FBXO11: variants seen among roughly 807,000 people sequenced by gnomAD.
FBXO11 encodes F-box protein 11.
FBXO11 carries 13 observed loss-of-function variants against 117.0 expected under a neutral mutation model. That is an observed-to-expected ratio of 0.11 (90% CI 0.07 to 0.18). The LOEUF (loss-of-function observed/expected upper bound fraction) is 0.18, where lower values mean the gene tolerates loss of function less well. Ranked by LOEUF, FBXO11 falls within the 10% of genes least tolerant of loss-of-function variation. The pLI, the probability that FBXO11 is intolerant of heterozygous loss-of-function variation, is 1.00. For synonymous variants in FBXO11, 490 were observed against 380.5 expected (o/e 1.29, Z -3.35); for missense variants, 767 against 1,164.4 (o/e 0.66, Z 4.97).
At chr2:47,885,168 A>C (rs1025407420) in intron 1 of FBXO11, among the ~76,000 whole-genome samples, 1 of 152,254 alleles carries the variant, frequency 6.6e-6, no homozygotes, top group African/African-American at 2.4e-5. Flanking sequence ...GATATGGAAA[A>C]GCCATCAAGA....
At chr2:47,901,052 C>T (rs7598557) in intron 1 of FBXO11, among the ~76,000 whole-genome samples, 11,569 of 120,170 alleles carry the variant, frequency 0.096, 648 homozygotes, top group Non-Finnish European at 0.11. Flanking sequence ...TACATATATA[C>T]ACATATATAT....
At chr2:47,841,591 A>C (rs1349985432) in intron 1 of FBXO11, among the ~76,000 whole-genome samples, 2 of 152,206 alleles carry the variant, frequency 1.3e-5, no homozygotes, top group African/African-American at 4.8e-5. Flanking sequence ...GAGAAAAATA[A>C]GGAAAACTTT....
At chr2:47,829,230 C>T (rs1487863287) in intron 11 of FBXO11, among the ~76,000 whole-genome samples, 1 of 151,000 alleles carries the variant, frequency 6.6e-6, no homozygotes, top group African/African-American at 2.4e-5. Flanking sequence ...ACTGCTATGA[C>T]ATTTTATTTA....
Position 47,905,470 on chromosome 2 carries a change from G to T in FBXO11, c.232+19C>A. On this transcript the variant is annotated intron_variant, in intron 1 of 22. Coordinates refer to ENST00000403359, the MANE Select transcript of FBXO11 (RefSeq NM_001190274.2). ...CGGTGCCCGGGAAGGCGGGCGGTTG[G>T]GAGGTAGCGCGGCCTTACCCCGCTC... 8.2e-7 allele frequency: 1 copy of T among 1,222,088 alleles called. No individual in the cohort carries two copies. The highest frequency in any genetic ancestry group is 3.5e-5 in the South Asian group (1 of 28,974). The allele number at this position is 1,222,088 out of a possible 1,614,324, so 75.7% of individuals were successfully genotyped here.
At chr2:47,853,876 C>G (rs1305432951) in intron 1 of FBXO11, among the ~76,000 whole-genome samples, 1 of 152,186 alleles carries the variant, frequency 6.6e-6, no homozygotes, top group Admixed American at 6.5e-5. Flanking sequence ...CTTCTAAAAA[C>G]TCTTATGAGG....
In FBXO11 at chr2:47,838,999, T is replaced by A; in HGVS notation, c.447A>T (p.Ala149=). 6.2e-7 allele frequency: 1 copy of A among 1,612,936 alleles called. No homozygotes were observed. The highest frequency in any genetic ancestry group is 1.1e-5 in the South Asian group (1 of 90,790). The change falls in exon 4 of 23, where the codon GCA becomes GCT. Residue 149 remains alanine, a synonymous_variant. Coordinates refer to ENST00000403359, the MANE Select transcript of FBXO11 (RefSeq NM_001190274.2). ...VSGKSQDLSA[A]PAEQYLQEKL... ...TCTCCTGAAGATACTGTTCAGCAGG[T>A]GCTGCTATAAAGAGATTAACATATA... is the stretch of plus-strand genomic sequence containing the variant.
chr2:47,825,565 CT>C (rs1671687886), intron 11 of FBXO11, among the ~76,000 whole-genome samples: 5 of 129,122 alleles, frequency 3.9e-5, no homozygotes, highest in Non-Finnish European at 6.6e-5. Context: ...ATTTTTTCTT[CT>C]TCTTCTTTTT....
At chr2:47,852,826 A>C (rs1673976116) in intron 1 of FBXO11, among the ~76,000 whole-genome samples, 2 of 152,174 alleles carry the variant, frequency 1.3e-5, no homozygotes, top group Non-Finnish European at 2.9e-5. Flanking sequence ...ACATATTATT[A>C]TTCCTATGTT....
intron 1 of FBXO11, among the ~76,000 whole-genome samples, chr2:47,848,029 CAGG>C (rs1397008926): frequency 6.6e-6 from 1 of 151,530 alleles, no homozygotes; most frequent in African/African-American, 2.4e-5. Flanking sequence ...GAGGCTGAGG[CAGG>C]AGAATGCTGT....
rs529563653 is a variant in FBXO11, at chr2:47,832,668, T to C, written c.1164A>G (p.Ala388=). ...IIRSTCTVGS[A]VCVSGQGACP... ...ATGCTCCTTGACCACTAACACATAC[T>C]GCAGAACCAACTGTAGAAAAATTAT... Residue 388 remains alanine (A), a synonymous_variant, in exon 10 of 23, where the codon GCA becomes GCG. Coordinates refer to ENST00000403359, the MANE Select transcript of FBXO11 (RefSeq NM_001190274.2). 9.4e-5 allele frequency: 152 copies of C among 1,613,630 alleles called. 3 individuals carry two copies. The South Asian group carries it at 1.6e-3, about 17-fold the overall frequency.
At chr2:47,865,765 G>A (rs1258564052) in intron 1 of FBXO11, 1 of 152,184 alleles carries the variant, frequency 6.6e-6, no homozygotes, top group African/African-American at 2.4e-5. Context: ...AACAAAATGT[G>A]TTCAAATACC....
intron 1 of FBXO11, among the ~76,000 whole-genome samples, chr2:47,872,733 C>T (rs1216126036): frequency 6.6e-6 from 1 of 152,146 alleles, no homozygotes; most frequent in Non-Finnish European, 1.5e-5. Flanking sequence ...GATATCACTA[C>T]AGCCCAAATG....
intron 18 of FBXO11, chr2:47,811,200 A>T (rs1212201314): frequency 1.3e-5 from 2 of 152,084 alleles, no homozygotes; most frequent in African/African-American, 4.8e-5. Flanking sequence ...GGGTGATCTT[A>T]CATCTTGCAA....
intron 1 of FBXO11, among the ~76,000 whole-genome samples, chr2:47,857,302 G>T (rs543492957): frequency 6.6e-6 from 1 of 151,834 alleles, no homozygotes; most frequent in South Asian, 2.1e-4. Context: ...TTTTAAATCA[G>T]CAGAGACAGG....
At position 47,905,552 on chromosome 2, in the gene FBXO11, G is replaced by A. The variant is rs1199473289; in HGVS notation, c.169C>T (p.Pro57Ser). ...PPPQQQQQQQ[P>S]PPPPPPPPPL... Reference sequence around the variant, plus strand: ...GGAGGCGGCGGTGGCGGCGGCGGAGGCTGCTGCTGCTGCTGCTGCTGCGGC... The same window carrying A: ...GGAGGCGGCGGTGGCGGCGGCGGAGACTGCTGCTGCTGCTGCTGCTGCGGC... Residue 57 changes from proline (P) to serine (S), a missense_variant, in exon 1 of 23, where the codon CCT becomes TCT. Coordinates refer to ENST00000403359, the MANE Select transcript of FBXO11 (RefSeq NM_001190274.2). The A allele has an allele frequency of 2.5e-6, 3 of 1,179,002 alleles. No homozygotes were observed. Among genetic ancestry groups the A allele is most frequent in the South Asian group, 3.9e-5 (1 of 25,798 alleles). The allele number at this position is 1,179,002 out of a possible 1,614,324, so 73.0% of individuals were successfully genotyped here.
At chr2:47,892,770 C>A (rs1159747006) in intron 1 of FBXO11, among the ~76,000 whole-genome samples, 3 of 152,034 alleles carry the variant, frequency 2.0e-5, no homozygotes, top group Non-Finnish European at 2.9e-5. Flanking sequence ...AATGTAACAG[C>A]CAAAACAATG....
chr2:47,854,570 TC>T (rs1245879765), intron 1 of FBXO11, among the ~76,000 whole-genome samples: 3 of 152,072 alleles, frequency 2.0e-5, no homozygotes, highest in African/African-American at 7.2e-5. Context: ...AATTAACCTC[TC>T]TAGAATTCAA....
At chr2:47,902,801 C>G (rs1678396161) in intron 1 of FBXO11, among the ~76,000 whole-genome samples, 1 of 152,008 alleles carries the variant, frequency 6.6e-6, no homozygotes, top group Middle Eastern at 3.4e-3. Context: ...TAGTTTGTCT[C>G]AAAACAGCGA....
chr2:47,816,369 C>G (rs754841767), intron 16 of FBXO11, among the ~76,000 whole-genome samples: 2 of 151,972 alleles, frequency 1.3e-5, no homozygotes, highest in African/African-American at 4.8e-5. Flanking sequence ...TTTACAGAGA[C>G]AGGGTTTTGC....
Sources: allele counts gnomAD v4.1 joint callset (sites outside exome capture counted in the v4.1 genomes callset), GRCh38; gene constraint gnomAD v4.1.1; transcripts MANE v1.5; gene names NCBI Gene and HGNC (gene_info 2026-07-23, HGNC 2026-07-21).